Variants in SENP2 observed in about 807,000 individuals in gnomAD.
The protein encoded by SENP2 is SUMO specific peptidase 2, also known as sentrin-specific protease 2.
SENP2 carries 16 observed loss-of-function variants against 86.3 expected under a neutral mutation model. That is an observed-to-expected ratio of 0.19 (90% CI 0.13 to 0.28). The LOEUF (loss-of-function observed/expected upper bound fraction) is 0.28. Among genes scored for constraint, SENP2 ranks in the 10% least tolerant of loss-of-function variants. The pLI is 1.00. For missense variants in SENP2, 552 were observed against 703.0 expected, an observed-to-expected ratio of 0.79 and a Z score of 2.43; for synonymous variants, 222 against 238.7, an observed-to-expected ratio of 0.93 and a Z score of 0.64.
At chr3:185,603,800 ATGTTGGT>A (rs947653122) in intron 5 of SENP2, among the ~76,000 whole-genome samples, 1 of 152,190 alleles carries the variant, frequency 6.6e-6, no homozygotes, top group Non-Finnish European at 1.5e-5. Flanking sequence ...ACATTTTGAA[ATGTTGGT>A]TTTCATTTTC....
rs1722319246 is a variant in SENP2, at chr3:185,600,782, G to A, written c.376G>A (p.Gly126Arg). 6.2e-7 allele frequency: 1 copy of A among 1,604,200 alleles called. No homozygotes were observed. The highest frequency in any genetic ancestry group is 1.3e-5 in the African/African-American group (1 of 74,766). Residue 126 changes from glycine (G) to arginine (R), a missense_variant, in exon 5 of 17, where the codon GGA becomes AGA. Gly to Arg is a moderately radical substitution (Grantham distance 125). Transcript: ENST00000296257. ...MLKLGNKSPNGISDYPKIRVT... is the reference protein window; with the variant it reads ...MLKLGNKSPNRISDYPKIRVT... ...TTAAATAGGTAATAAATCTCCTAAT[G>A]GAATAAGTGACTATCCAAAGATCAG... is the stretch of plus-strand genomic sequence containing the variant.
At chr3:185,626,973 G>T (rs186222042) in intron 16 of SENP2, among the ~76,000 whole-genome samples, 1 of 150,856 alleles carries the variant, frequency 6.6e-6, no homozygotes, top group East Asian at 2.0e-4. Flanking sequence ...TACTAGGGAG[G>T]CAGGCTGAGG....
chr3:185,627,352 G>T (rs1485538348), intron 16 of SENP2, among the ~76,000 whole-genome samples: 3 of 152,168 alleles, frequency 2.0e-5, no homozygotes, highest in Non-Finnish European at 4.4e-5. Flanking sequence ...TGAAGCCACA[G>T]GTCTAAGATG....
rs1197132906 is a variant in SENP2 at position 185,609,247 on chromosome 3, G to A, written c.619G>A (p.Gly207Ser). ...ATCTAACATGCTTTCTTTTATTTAGGGTGTTCAAAAAGAGGAAAGAGAGAA... is the reference window on the plus strand; with the variant it reads ...ATCTAACATGCTTTCTTTTATTTAGAGTGTTCAAAAAGAGGAAAGAGAGAA... The part of the protein sequence containing the change: ...LRRPHCTVEE[G>S]VQKEEREKYR... Residue 207 changes from glycine to serine, a missense_variant and splice_region_variant, in exon 7 of 17, where the codon GGT (glycine) becomes AGT (serine). Coordinates refer to ENST00000296257, the MANE Select transcript of SENP2 (RefSeq NM_021627.3). 8 of 1,606,066 alleles carry A rather than the reference G, an allele frequency of 5.0e-6. No homozygotes were observed. The East Asian group carries it at 1.8e-4, about 36-fold the overall frequency.
intron 6 of SENP2, among the ~76,000 whole-genome samples, chr3:185,607,878 A>T (rs1722570276): frequency 6.6e-6 from 1 of 152,230 alleles, no homozygotes; most frequent in Admixed American, 6.5e-5. Flanking sequence ...GAAGGGAAGT[A>T]AATGGTGTGC....
At chr3:185,613,121 T>C (rs576476288) in intron 9 of SENP2, among the ~76,000 whole-genome samples, 1 of 152,366 alleles carries the variant, frequency 6.6e-6, no homozygotes, top group Non-Finnish European at 1.5e-5. Context: ...GCTTTTAAAT[T>C]ACAGTGGCAG....
Position 185,587,534 on chromosome 3 carries a change from C to G in SENP2, c.101+1020C>G, listed in dbSNP as rs143680661. On this transcript the variant is annotated intron_variant, in intron 1 of 16. Coordinates refer to ENST00000296257, the MANE Select transcript of SENP2 (RefSeq NM_021627.3). ...TGGAAAATAAAATACTATACAAATTCTATGCCCCCTCTTCAACTTTAGTGA... is the reference window on the plus strand; with the variant it reads ...TGGAAAATAAAATACTATACAAATTGTATGCCCCCTCTTCAACTTTAGTGA... Among the ~76,000 whole-genome samples, 7 of 149,308 alleles carry G rather than the reference C, an allele frequency of 4.7e-5. No homozygotes were observed. In the South Asian group the frequency reaches 1.5e-3, roughly 32 times the overall value.
chr3:185,622,367 C>T (rs1223686229), intron 14 of SENP2, among the ~76,000 whole-genome samples: 1 of 152,094 alleles, frequency 6.6e-6, no homozygotes, highest in Non-Finnish European at 1.5e-5. Context: ...TAAAGCATAC[C>T]TACTTCTTAG....
At chr3:185,603,187 C>G (rs1436822958) in intron 5 of SENP2, among the ~76,000 whole-genome samples, 1 of 152,114 alleles carries the variant, frequency 6.6e-6, no homozygotes, top group Non-Finnish European at 1.5e-5. Context: ...GCTGGAATTA[C>G]AGGCGTGAGC....
At chr3:185,619,068 T>C (rs550131018) in intron 12 of SENP2, among the ~76,000 whole-genome samples, 1 of 152,370 alleles carries the variant, frequency 6.6e-6, no homozygotes, top group South Asian at 2.1e-4. Context: ...CTTCCTGGAT[T>C]CCTTCTTCTG....
In SENP2 at chr3:185,633,257, T is replaced by A. The variant is rs1340451697; in HGVS notation, c.*3413T>A. Reference sequence around the variant, plus strand: ...AATAAGCAAGAGACCGAAAGTTAAGTGTGTGACAACCTCAGTACTGTAGTT... The same window carrying A: ...AATAAGCAAGAGACCGAAAGTTAAGAGTGTGACAACCTCAGTACTGTAGTT... On this transcript the variant is annotated 3_prime_UTR_variant, in exon 17 of 17. Coordinates refer to ENST00000296257, the MANE Select transcript of SENP2 (RefSeq NM_021627.3). 1 of 152,186 alleles carries A rather than the reference T, an allele frequency of 6.6e-6. No individual in the cohort carries two copies. Among genetic ancestry groups the A allele is most frequent in the Admixed American group, 6.5e-5 (1 of 15,272 alleles). The allele number at this position is 152,186 out of a possible 1,614,324, so 9.4% of individuals were successfully genotyped here. A position where few individuals can be genotyped will look rare whatever the true frequency, so the allele number is the denominator to read the frequency against.
At chr3:185,593,010 T>C (rs1025831348) in intron 2 of SENP2, among the ~76,000 whole-genome samples, 9 of 152,024 alleles carry the variant, frequency 5.9e-5, no homozygotes, top group African/African-American at 2.2e-4. Context: ...ATATAAAAAA[T>C]AAAAAAACAA....
Position 185,630,022 on chromosome 3 carries a change from T to A in SENP2, c.*178T>A. 3 of 610,614 alleles carry A rather than the reference T, an allele frequency of 4.9e-6. No homozygotes were observed. Among genetic ancestry groups the A allele is most frequent in the Non-Finnish European group, 8.9e-6 (3 of 338,204 alleles). The allele number at this position is 610,614 out of a possible 1,614,324, so 37.8% of individuals were successfully genotyped here. A position where few individuals can be genotyped will look rare whatever the true frequency, so the allele number is the denominator to read the frequency against. On this transcript the variant is annotated 3_prime_UTR_variant, in exon 17 of 17. Coordinates refer to ENST00000296257, the MANE Select transcript of SENP2 (RefSeq NM_021627.3). ...AGTCCTGACTTGGGGTGCAGAGGGCTGCTTGCAATCCTGTTTGTAAGGCTG... is the reference window on the plus strand; with the variant it reads ...AGTCCTGACTTGGGGTGCAGAGGGCAGCTTGCAATCCTGTTTGTAAGGCTG...
intron 12 of SENP2, among the ~76,000 whole-genome samples, chr3:185,618,839 A>C (rs1711724698): frequency 6.6e-6 from 1 of 152,194 alleles, no homozygotes; most frequent in South Asian, 2.1e-4. Context: ...AGATCACGCC[A>C]GTGGACTCCA....
At chr3:185,600,958 G>A (rs1722324094) in intron 5 of SENP2, 103 bp downstream of exon 5, 4 of 729,020 alleles carry the variant, frequency 5.5e-6, no homozygotes, top group African/African-American at 3.6e-5. Flanking sequence ...CCTGCTAAGC[G>A]CTCTGAGGTT....
In SENP2 at chr3:185,631,263, A is replaced by G. The variant is rs1224687569; in HGVS notation, c.*1419A>G. 3 of 152,034 alleles carry G rather than the reference A, an allele frequency of 2.0e-5. No individual in the cohort carries two copies. The highest frequency in any genetic ancestry group is 2.9e-5 in the Non-Finnish European group (2 of 68,028). 9.4% of individuals were successfully genotyped at this position (152,034 alleles called of 1,614,324 possible). ...CTCCGGCTGCTGGTCCCAGAGGTAT[A>G]CTGGTTACAGCTATTGCAGCCAGTT... is the stretch of plus-strand genomic sequence containing the variant. On this transcript the variant is annotated 3_prime_UTR_variant, in exon 17 of 17. Coordinates refer to ENST00000296257, the MANE Select transcript of SENP2 (RefSeq NM_021627.3).
chr3:185,598,606 G>A, intron 3 of SENP2, 61 bp downstream of exon 3: 6 of 1,512,398 alleles, frequency 4.0e-6, no homozygotes, highest in Non-Finnish European at 5.4e-6. Context: ...TTATATTTTA[G>A]AAAATTCTCT....
intron 2 of SENP2, 38 bp from the exon 3 acceptor site, chr3:185,598,374 T>G: frequency 6.3e-7 from 1 of 1,597,676 alleles, no homozygotes; most frequent in Non-Finnish European, 8.6e-7. Context: ...AGCTGGAAGT[T>G]TATTACTTTA....
chr3:185,587,569 A>ATTTTTTTT (rs1491115475), intron 1 of SENP2, among the ~76,000 whole-genome samples: 1 of 103,208 alleles, frequency 9.7e-6, no homozygotes, highest in Middle Eastern at 5.5e-3. Flanking sequence ...ATCAAGTGTT[A>ATTTTTTTT]ATTTTTTTTT....
Sources: allele counts gnomAD v4.1 joint callset (sites outside exome capture counted in the v4.1 genomes callset), GRCh38; gene constraint gnomAD v4.1.1; transcripts MANE v1.5; gene names NCBI Gene and HGNC (gene_info 2026-07-23, HGNC 2026-07-21).